LYRM4: variants seen among roughly 807,000 people sequenced by gnomAD.
LYRM4 encodes the protein LYR motif-containing protein 4.
A neutral mutation model predicts 11.7 loss-of-function variants in LYRM4; 9 were observed. That is an observed-to-expected ratio of 0.77 (90% CI 0.46 to 1.34). LYRM4 has a LOEUF of 1.34. LYRM4 is among the 40% of genes most tolerant of loss of function. The probability of loss-of-function intolerance (pLI) is 0.00; values close to 1 mark genes in which losing one functional copy is unlikely to be tolerated. For missense variants in LYRM4, 133 were observed against 112.5 expected (o/e 1.18, Z -0.82); for synonymous variants, 42 against 40.4 (o/e 1.04, Z -0.15).
chr6:5,194,820 C>G (rs1760962093), intron 2 of LYRM4, among the ~76,000 whole-genome samples: 1 of 152,194 alleles, frequency 6.6e-6, no homozygotes, highest in African/African-American at 2.4e-5. Context: ...AACTCCTGGG[C>G]TCAAGTGATC....
the LYRM4 span, among the ~76,000 whole-genome samples, chr6:5,098,399 T>G: frequency 6.6e-6 from 1 of 152,190 alleles, no homozygotes; most frequent in Non-Finnish European, 1.5e-5. Flanking sequence ...CTTCTCATCC[T>G]AGGCTTGGCC....
chr6:5,085,746 G>A, the LYRM4 span: 1 of 1,539,714 alleles, frequency 6.5e-7, no homozygotes, highest in Non-Finnish European at 8.7e-7. Flanking sequence ...CCTTTTCCTT[G>A]CCCGCCGACC....
chr6:5,181,308 G>C (rs928302416), intron 2 of LYRM4, among the ~76,000 whole-genome samples: 2 of 152,018 alleles, frequency 1.3e-5, no homozygotes, highest in Non-Finnish European at 2.9e-5. Context: ...ACGATGTATC[G>C]AGGACTCACG....
chr6:5,145,402 C>T (rs1757663393), intron 2 of LYRM4, among the ~76,000 whole-genome samples: 1 of 152,206 alleles, frequency 6.6e-6, no homozygotes, highest in Non-Finnish European at 1.5e-5. Flanking sequence ...CAGTATTGTT[C>T]TCATTTTGCA....
chr6:5,031,941 C>G, the LYRM4 span: 1 of 152,118 alleles, frequency 6.6e-6, no homozygotes, highest in Non-Finnish European at 1.5e-5. Flanking sequence ...AACACTCAAT[C>G]TTATATGAGA....
chr6:5,092,839 T>C, the LYRM4 span, among the ~76,000 whole-genome samples: 5 of 152,234 alleles, frequency 3.3e-5, no homozygotes, highest in Admixed American at 3.3e-4. Flanking sequence ...TCAGGCATTT[T>C]TTTAAATTGC....
chr6:5,102,098 T>G (rs1265069378), downstream of LYRM4, among the ~76,000 whole-genome samples: 1 of 151,534 alleles, frequency 6.6e-6, no homozygotes, highest in Non-Finnish European at 1.5e-5. Context: ...TGGCCTGATT[T>G]TTTTTTTAAA....
chr6:5,069,656 A>G, the LYRM4 span, among the ~76,000 whole-genome samples: 3 of 151,726 alleles, frequency 2.0e-5, no homozygotes, highest in African/African-American at 7.3e-5. Context: ...AATTTTTTGT[A>G]TTTTCATAGA....
intron 2 of LYRM4, among the ~76,000 whole-genome samples, chr6:5,171,689 G>A (rs1759436235): frequency 6.6e-6 from 1 of 152,144 alleles, no homozygotes; most frequent in Admixed American, 6.5e-5. Context: ...AGAGTCTAAC[G>A]TGCTGACAAA....
At chr6:5,086,559 C>A in the LYRM4 span, 1 of 1,518,740 alleles carries the variant, frequency 6.6e-7, no homozygotes, top group Non-Finnish European at 8.8e-7. Flanking sequence ...CGGACGCGCT[C>A]TGAGCCTGGA....
chr6:5,232,576 A>C (rs71557548), intron 1 of LYRM4, among the ~76,000 whole-genome samples: 2,009 of 152,310 alleles, frequency 0.013, 47 homozygotes, highest in African/African-American at 0.044. Flanking sequence ...GTATCTTCTA[A>C]TTGCTTCAGT....
chr6:5,165,889 G>C (rs1474158500), intron 2 of LYRM4, among the ~76,000 whole-genome samples: 1 of 152,072 alleles, frequency 6.6e-6, no homozygotes, highest in Non-Finnish European at 1.5e-5. Context: ...AGAAAATATG[G>C]TACTGTGATT....
chr6:5,033,134 A>G, the LYRM4 span: 4 of 149,866 alleles, frequency 2.7e-5, no homozygotes, highest in Non-Finnish European at 4.4e-5. Flanking sequence ...ATATTTGTCC[A>G]TGGGTGTCCA....
intron 2 of LYRM4, among the ~76,000 whole-genome samples, chr6:5,153,778 T>C (rs532295740): frequency 6.6e-6 from 1 of 152,346 alleles, no homozygotes; most frequent in South Asian, 2.1e-4. Flanking sequence ...TTGAGGGCTG[T>C]TCATGAACAC....
chr6:5,170,120 G>A (rs1176876222), intron 2 of LYRM4, among the ~76,000 whole-genome samples: 3 of 152,188 alleles, frequency 2.0e-5, no homozygotes, highest in Non-Finnish European at 2.9e-5. Flanking sequence ...AAGAGGTTAT[G>A]GGATTCCCAC....
At chr6:5,084,230 AC>A in the LYRM4 span, among the ~76,000 whole-genome samples, 12 of 152,352 alleles carry the variant, frequency 7.9e-5, no homozygotes, top group Non-Finnish European at 1.8e-4. Flanking sequence ...TGGCCTTAAA[AC>A]CAAAACAAGA....
chr6:5,079,979 G>T, the LYRM4 span, among the ~76,000 whole-genome samples: 1 of 152,314 alleles, frequency 6.6e-6, no homozygotes, highest in East Asian at 1.9e-4. Flanking sequence ...TCCAATGTTT[G>T]CATAGTGGTA....
chr6:5,242,994 C>G (rs558975718), intron 1 of LYRM4, among the ~76,000 whole-genome samples: 1 of 151,566 alleles, frequency 6.6e-6, no homozygotes, highest in South Asian at 2.1e-4. Context: ...AGGATGGTCT[C>G]GATCTCCTGA....
At chr6:5,065,986 G>T in the LYRM4 span, 60 of 313,516 alleles carry the variant, frequency 1.9e-4, 1 homozygote, top group South Asian at 2.3e-3. Flanking sequence ...TATTAGATTG[G>T]CACTGCACCT....
Sources: gnomAD v4.1 joint callset for allele counts (sites outside exome capture counted in the v4.1 genomes callset) on GRCh38, gnomAD v4.1.1 for gene constraint, MANE v1.5 for transcripts, NCBI Gene and HGNC (gene_info 2026-07-23, HGNC 2026-07-21) for gene names.